Variants in TENM1 observed in about 807,000 individuals in gnomAD.
TENM1 encodes teneurin-1.
In TENM1, 35 loss-of-function variants were observed where a neutral mutation model predicts 174.8. The observed-to-expected ratio is 0.20, with a 90% CI of 0.15 to 0.27. TENM1 has a LOEUF of 0.27. Ranked by LOEUF, TENM1 falls within the 10% of genes least tolerant of loss-of-function variation. TENM1 has a pLI of 1.00. For missense variants in TENM1, 1,633 were observed against 2,130.1 expected, an observed-to-expected ratio of 0.77 and a Z score of 4.59; for synonymous variants, 781 against 798.7, an observed-to-expected ratio of 0.98 and a Z score of 0.37.
the TENM1 span, among the ~76,000 whole-genome samples, chrX:125,075,702 T>C: frequency 2.7e-5 from 3 of 111,289 alleles, no homozygotes; most frequent in Non-Finnish European, 5.7e-5. Context: ...ACATCCCTAG[T>C]TTTTCAGGAA....
Position 124,817,817 on chromosome X carries a change from C to A in TENM1, c.535+76479G>T, listed in dbSNP as rs188531457. ...TTCAACAACATAATCCCACCCATAC[C>A]CCCAGGAAAGAAGAAAAGAAAAGAA... On this transcript the variant is annotated intron_variant, in intron 3 of 31. Transcript: ENST00000422452. Among the ~76,000 whole-genome samples the A allele has an allele frequency of 3.3e-4, 37 of 111,344 alleles. No homozygotes were observed. The East Asian group carries it at 9.9e-3, about 30-fold the overall frequency.
chrX:124,903,126 C>T (rs1044496022), intron 1 of TENM1, among the ~76,000 whole-genome samples: 1 of 111,613 alleles, frequency 9.0e-6, no homozygotes, highest in African/African-American at 3.3e-5. Context: ...AGCCTAATCT[C>T]CCCTTGACAG....
chrX:125,085,616 T>C, the TENM1 span, among the ~76,000 whole-genome samples: 1 of 111,692 alleles, frequency 9.0e-6, no homozygotes, highest in East Asian at 2.8e-4. Flanking sequence ...AATCTGCTTT[T>C]AACTTGTATT....
chrX:124,941,607 G>C (rs1375253000), intron 1 of TENM1, among the ~76,000 whole-genome samples: 1 of 111,895 alleles, frequency 8.9e-6, no homozygotes, highest in Non-Finnish European at 1.9e-5. Flanking sequence ...CTTCAAATTA[G>C]ATATTTCTAT....
chrX:124,647,499 G>C (rs753835015), intron 8 of TENM1, among the ~76,000 whole-genome samples: 2 of 111,238 alleles, frequency 1.8e-5, no homozygotes, highest in South Asian at 7.7e-4. Context: ...GGCTTTGAAG[G>C]TACCGATAGG....
intron 3 of TENM1, among the ~76,000 whole-genome samples, chrX:124,738,824 C>T (rs1203476097): frequency 8.9e-6 from 1 of 111,992 alleles, no homozygotes; most frequent in Non-Finnish European, 1.9e-5. Context: ...GAGATGCTCT[C>T]ATTTTGCAAA....
intron 28 of TENM1, among the ~76,000 whole-genome samples, chrX:124,389,472 C>A (rs1395028659): frequency 8.9e-6 from 1 of 112,412 alleles, no homozygotes; most frequent in Non-Finnish European, 1.9e-5. Context: ...AATGAGAGGA[C>A]TGGAAAGAAC....
intron 11 of TENM1, among the ~76,000 whole-genome samples, chrX:124,616,103 G>A (rs1202886716): frequency 1.8e-5 from 2 of 112,776 alleles, no homozygotes; most frequent in Non-Finnish European, 3.7e-5. Context: ...CCTGCATGGC[G>A]CTACCAGCTC....
At chrX:125,002,507 TG>T in the TENM1 span, among the ~76,000 whole-genome samples, 1 of 110,871 alleles carries the variant, frequency 9.0e-6, no homozygotes, top group Non-Finnish European at 1.9e-5. Context: ...GGTCGTTTCC[TG>T]CTTCAGCCAA....
intron 11 of TENM1, among the ~76,000 whole-genome samples, chrX:124,626,790 GATGCAATAACCCAAAAGGAA>G (rs2050646768): frequency 9.0e-6 from 1 of 111,617 alleles, no homozygotes; most frequent in Non-Finnish European, 1.9e-5. Context: ...TTTAGAGGGA[GATGCAATAACCCAAAAGGAA>G]AATTCCTCAC....
rs1197609594 is a variant in TENM1 at position 124,662,147 on chromosome X, T to A, written c.1169-8364A>T. Reference sequence around the variant, plus strand: ...CGGTGTCTCCCTCTCTATTGGCTCCTCATTCTTTGTCTTCAAACAAACACA... The same window carrying A: ...CGGTGTCTCCCTCTCTATTGGCTCCACATTCTTTGTCTTCAAACAAACACA... On this transcript the variant is annotated intron_variant, in intron 6 of 31. Coordinates refer to ENST00000422452, the Ensembl canonical transcript of TENM1. 4.5e-5 allele frequency among the ~76,000 whole-genome samples: 5 copies of A among 110,985 alleles called. No homozygotes were observed. In the East Asian group the frequency reaches 1.4e-3, roughly 32 times the overall value.
the TENM1 span, among the ~76,000 whole-genome samples, chrX:125,003,563 G>C: frequency 1.8e-5 from 2 of 111,227 alleles, no homozygotes; most frequent in Admixed American, 1.9e-4. Flanking sequence ...AGCCTCAAGG[G>C]GAAAGAGTTT....
intron 3 of TENM1, among the ~76,000 whole-genome samples, chrX:124,889,800 A>G (rs1372405505): frequency 9.0e-6 from 1 of 111,700 alleles, no homozygotes; most frequent in African/African-American, 3.2e-5. Context: ...TTATATTAAA[A>G]TGTACAATCA....
the TENM1 span, among the ~76,000 whole-genome samples, chrX:125,075,604 T>C: frequency 9.0e-6 from 1 of 111,323 alleles, no homozygotes; most frequent in Non-Finnish European, 1.9e-5. Context: ...TGATCAATTT[T>C]CAAACATTTT....
intron 3 of TENM1, among the ~76,000 whole-genome samples, chrX:124,769,286 T>A (rs2054601655): frequency 8.9e-6 from 1 of 111,743 alleles, no homozygotes; most frequent in East Asian, 2.8e-4. Context: ...CTTTAATGTT[T>A]ATGTTTTGTG....
chrX:124,596,308 T>C (rs1426828221), intron 11 of TENM1, among the ~76,000 whole-genome samples: 1 of 112,375 alleles, frequency 8.9e-6, no homozygotes, highest in East Asian at 2.8e-4. Flanking sequence ...TATCCAAACA[T>C]TTGTCATTGT....
intron 1 of TENM1, among the ~76,000 whole-genome samples, chrX:124,908,168 T>C (rs1429560091): frequency 8.9e-6 from 1 of 112,153 alleles, no homozygotes. Flanking sequence ...TCTTCTTTTT[T>C]AAATTTTATT....
At chrX:125,189,787 A>C in the TENM1 span, among the ~76,000 whole-genome samples, 1 of 112,454 alleles carries the variant, frequency 8.9e-6, no homozygotes, top group Admixed American at 9.4e-5. Context: ...ATATGCACAT[A>C]ATGTGAATAT....
At chrX:124,507,804 T>C (rs1429046051) in intron 18 of TENM1, among the ~76,000 whole-genome samples, 1 of 112,004 alleles carries the variant, frequency 8.9e-6, no homozygotes, top group Admixed American at 9.5e-5. Flanking sequence ...ATTAAGCAGA[T>C]GACTTTCAAC....
Sources: allele counts gnomAD v4.1 joint callset (sites outside exome capture counted in the v4.1 genomes callset), GRCh38; gene constraint gnomAD v4.1.1; transcripts MANE v1.5; gene names NCBI Gene and HGNC (gene_info 2026-07-23, HGNC 2026-07-21).